The following SMCHD1 variants were observed in gnomAD, a reference collection of about 807,000 sequenced individuals.
SMCHD1 encodes the protein structural maintenance of chromosomes flexible hinge domain containing 1.
SMCHD1 carries 78 observed loss-of-function variants against 254.7 expected under a neutral mutation model. The ratio of observed to expected loss-of-function variants is 0.31; its 90% CI spans 0.26 to 0.37. SMCHD1 has a LOEUF of 0.37. SMCHD1 is among the 10% of genes least tolerant of loss of function. The pLI, the probability that SMCHD1 is intolerant of heterozygous loss-of-function variation, is 1.00. For synonymous variants in SMCHD1, 766 were observed against 794.9 expected (o/e 0.96, Z 0.61); for missense variants, 1,840 against 2,408.1 (o/e 0.76, Z 4.94).
At chr18:2,743,991 G>A in intron 29 of SMCHD1, 63 bp downstream of exon 29, 2 of 1,331,132 alleles carry the variant, frequency 1.5e-6, no homozygotes, top group Non-Finnish European at 2.0e-6. Flanking sequence ...CTTTCAGATT[G>A]TCAGTGAATC....
chr18:2,708,930 G>A (rs1364811999), intron 17 of SMCHD1, among the ~76,000 whole-genome samples: 2 of 96,000 alleles, frequency 2.1e-5, no homozygotes, highest in Admixed American at 2.5e-4. Flanking sequence ...TGAAATTTAT[G>A]AAGTGGCATT....
rs1325110079 is a variant in SMCHD1 at position 2,707,931 on chromosome 18, A to G, written c.2260+11A>G. ...AAGTTATTTTACATTGTAAGTATAC[A>G]AACTAATTTAGATCTTTAATATTGT... is the stretch of plus-strand genomic sequence containing the variant. On this transcript the variant is annotated intron_variant, in intron 17 of 47. Transcript: ENST00000320876. 1 of 1,439,958 alleles carries G rather than the reference A, an allele frequency of 6.9e-7. No homozygotes were observed. The highest frequency in any genetic ancestry group is 9.5e-7 in the Non-Finnish European group (1 of 1,056,502). The allele number at this position is 1,439,958 out of a possible 1,614,324, so 89.2% of individuals were successfully genotyped here. A position where few individuals can be genotyped will look rare whatever the true frequency, so the allele number is the denominator to read the frequency against.
At chr18:2,682,166 T>G (rs2073945191) in intron 5 of SMCHD1, among the ~76,000 whole-genome samples, 1 of 151,942 alleles carries the variant, frequency 6.6e-6, no homozygotes, top group African/African-American at 2.4e-5. Flanking sequence ...TTAAGTTTGG[T>G]GTTTTTTTTT....
At position 2,804,219 on chromosome 18, in the gene SMCHD1, T is replaced by A. The variant is rs78782925; in HGVS notation, c.*1667T>A. On this transcript the variant is annotated 3_prime_UTR_variant, in exon 48 of 48. Coordinates refer to ENST00000320876, the MANE Select transcript of SMCHD1 (RefSeq NM_015295.3). ...CATTGTATCAAGAAGGAGTCATGTTTTAAATCCAAGGCATTGAGACTATCT... is the reference window on the plus strand; with the variant it reads ...CATTGTATCAAGAAGGAGTCATGTTATAAATCCAAGGCATTGAGACTATCT... The A allele has an allele frequency of 6.6e-5, 10 of 152,378 alleles. No individual in the cohort carries two copies. The East Asian group carries it at 1.9e-3, about 29-fold the overall frequency. The allele number at this position is 152,378 out of a possible 1,614,324, so 9.4% of individuals were successfully genotyped here.
At chr18:2,684,331 G>A (rs2073992524) in intron 5 of SMCHD1, among the ~76,000 whole-genome samples, 1 of 152,114 alleles carries the variant, frequency 6.6e-6, no homozygotes, top group South Asian at 2.1e-4. Context: ...AATACAAAGA[G>A]TGATCATCTG....
At chr18:2,734,749 G>T (rs139407078) in intron 25 of SMCHD1, among the ~76,000 whole-genome samples, 2 of 151,484 alleles carry the variant, frequency 1.3e-5, no homozygotes, top group Admixed American at 6.6e-5. Flanking sequence ...CTAGGAAACA[G>T]AATATTAGTG....
At chr18:2,728,668 TAG>T in intron 23 of SMCHD1, 72 bp downstream of exon 23, 1 of 1,482,868 alleles carries the variant, frequency 6.7e-7, no homozygotes, top group Admixed American at 1.9e-5. Context: ...AGCCACTTAA[TAG>T]TAAGTCTTAC....
chr18:2,734,503 A>G (rs922729228), intron 25 of SMCHD1, among the ~76,000 whole-genome samples: 7 of 152,156 alleles, frequency 4.6e-5, no homozygotes, highest in African/African-American at 1.4e-4. Context: ...CAGCCTTTAC[A>G]GTGGTTTTGT....
At chr18:2,711,318 C>T (rs1404146720) in intron 17 of SMCHD1, among the ~76,000 whole-genome samples, 3 of 150,982 alleles carry the variant, frequency 2.0e-5, no homozygotes, top group Non-Finnish European at 1.5e-5. Flanking sequence ...AGGCTAGTCT[C>T]AAACTCATGG....
intron 8 of SMCHD1, among the ~76,000 whole-genome samples, chr18:2,696,213 A>C (rs1236226771): frequency 1.3e-5 from 2 of 152,114 alleles, no homozygotes; most frequent in Non-Finnish European, 2.9e-5. Flanking sequence ...TTAGGGTAAG[A>C]TTGTCTCAGT....
intron 34 of SMCHD1, among the ~76,000 whole-genome samples, chr18:2,753,479 T>G (rs940623455): frequency 2.6e-5 from 4 of 152,224 alleles, no homozygotes; most frequent in African/African-American, 9.6e-5. Flanking sequence ...TGTGTATATT[T>G]AAATATAGAT....
chr18:2,692,545 ATTATT>A (rs1199176762), intron 7 of SMCHD1, among the ~76,000 whole-genome samples: 2 of 152,038 alleles, frequency 1.3e-5, no homozygotes, highest in East Asian at 1.9e-4. Context: ...TGTCTTTTAT[ATTATT>A]TTCTTTCATC....
In SMCHD1 at chr18:2,804,895, A is replaced by G. The variant is rs1170334029; in HGVS notation, c.*2343A>G. 2.0e-5 allele frequency: 3 copies of G among 152,208 alleles called. No individual in the cohort carries two copies. In the East Asian group the frequency reaches 5.8e-4, roughly 29 times the overall value. 9.4% of individuals were successfully genotyped at this position (152,208 alleles called of 1,614,324 possible). Reference sequence around the variant, plus strand: ...TGTGTTATGTGTTATATAATCTGAAATTTGTCACAATGTTACAATCAGGAA... The same window carrying G: ...TGTGTTATGTGTTATATAATCTGAAGTTTGTCACAATGTTACAATCAGGAA... On this transcript the variant is annotated 3_prime_UTR_variant, in exon 48 of 48. Transcript: ENST00000320876.
intron 37 of SMCHD1, 105 bp downstream of exon 37, chr18:2,763,894 C>T: frequency 9.6e-7 from 1 of 1,045,054 alleles, no homozygotes; most frequent in Non-Finnish European, 1.4e-6. Context: ...ATGTTCTAAT[C>T]ATAGCACTAA....
chr18:2,725,116 G>A, intron 21 of SMCHD1, 121 bp downstream of exon 21: 1 of 539,602 alleles, frequency 1.9e-6, no homozygotes, highest in Non-Finnish European at 3.0e-6. Flanking sequence ...CAGTAATTGG[G>A]TTCTTAGGAA....
intron 19 of SMCHD1, among the ~76,000 whole-genome samples, chr18:2,721,046 T>A (rs2074915759): frequency 6.6e-6 from 1 of 152,230 alleles, no homozygotes; most frequent in Non-Finnish European, 1.5e-5. Flanking sequence ...AGGATGGGGA[T>A]CTGTGAAACT....
intron 5 of SMCHD1, among the ~76,000 whole-genome samples, chr18:2,678,517 A>G (rs894470631): frequency 6.6e-6 from 1 of 151,878 alleles, no homozygotes; most frequent in Non-Finnish European, 1.5e-5. Context: ...AGGTTTCACC[A>G]TGTTGGCCAG....
intron 7 of SMCHD1, among the ~76,000 whole-genome samples, chr18:2,689,517 A>T (rs943072912): frequency 4.6e-5 from 7 of 151,668 alleles, no homozygotes; most frequent in African/African-American, 1.7e-4. Flanking sequence ...CACCGCGCCC[A>T]GCCTGAAACA....
intron 5 of SMCHD1, among the ~76,000 whole-genome samples, chr18:2,682,863 G>A (rs2073964513): frequency 6.6e-6 from 1 of 152,062 alleles, no homozygotes; most frequent in East Asian, 1.9e-4. Context: ...ATTCATGAAG[G>A]GATATTTATA....
Sources: allele counts gnomAD v4.1 joint callset (sites outside exome capture counted in the v4.1 genomes callset), GRCh38; gene constraint gnomAD v4.1.1; transcripts MANE v1.5; gene names NCBI Gene and HGNC (gene_info 2026-07-23, HGNC 2026-07-21).